DPP10: variants seen among roughly 807,000 people sequenced by gnomAD.
The protein encoded by DPP10 is dipeptidyl peptidase like 10.
In DPP10, 33 loss-of-function variants were observed where a neutral mutation model predicts 120.9. The ratio of observed to expected loss-of-function variants is 0.27; its 90% confidence interval spans 0.21 to 0.37. The LOEUF (loss-of-function observed/expected upper bound fraction) is 0.37. Among genes scored for constraint, DPP10 ranks in the 10% least tolerant of loss-of-function variants. The probability of loss-of-function intolerance (pLI) is 1.00; values close to 1 mark genes in which losing one functional copy is unlikely to be tolerated. For missense variants in DPP10, 816 were observed against 942.8 expected (o/e 0.87, Z 1.76); for synonymous variants, 337 against 326.1 (o/e 1.03, Z -0.36).
chr2:114,707,194 A>G (rs931960333), intron 1 of DPP10: 5 of 152,290 alleles, frequency 3.3e-5, no homozygotes, highest in Admixed American at 6.5e-5. Flanking sequence ...CCTTCACAAG[A>G]CGAACAATTA....
chr2:115,143,248 G>A (rs564587336), intron 1 of DPP10, among the ~76,000 whole-genome samples: 6 of 152,260 alleles, frequency 3.9e-5, no homozygotes, highest in South Asian at 4.1e-4. Flanking sequence ...AGGCAGAAGG[G>A]TACACCATTT....
At chr2:114,750,501 T>C (rs1679109193) in intron 1 of DPP10, among the ~76,000 whole-genome samples, 1 of 152,058 alleles carries the variant, frequency 6.6e-6, no homozygotes, top group Non-Finnish European at 1.5e-5. Flanking sequence ...GCCCAGCTAA[T>C]TTTTTGTACT....
Position 114,691,065 on chromosome 2 carries a change from C to T in DPP10, c.60+248227C>T, listed in dbSNP as rs182991022. Reference sequence around the variant, plus strand: ...CTATCTGAATACTGTTTATTCCTTTCTCTTGCCTAATTGCCCTGGCCAGAA... The same window carrying T: ...CTATCTGAATACTGTTTATTCCTTTTTCTTGCCTAATTGCCCTGGCCAGAA... On this transcript the variant is annotated intron_variant, in intron 1 of 25. Transcript: ENST00000410059. Among the ~76,000 whole-genome samples the T allele has an allele frequency of 7.2e-5, 11 of 152,170 alleles. No homozygotes were observed. The East Asian group carries it at 2.1e-3, about 29-fold the overall frequency.
chr2:114,552,164 G>T (rs1174342453), intron 1 of DPP10, among the ~76,000 whole-genome samples: 1 of 152,228 alleles, frequency 6.6e-6, no homozygotes, highest in African/African-American at 2.4e-5. Context: ...TAGCTCTGTG[G>T]TGTGTTAAGT....
At chr2:115,341,067 CTAATAAAATTAGCTCATCTGAT>C (rs2063418056) in intron 2 of DPP10, among the ~76,000 whole-genome samples, 1 of 151,904 alleles carries the variant, frequency 6.6e-6, no homozygotes, top group Non-Finnish European at 1.5e-5. Flanking sequence ...TTCTGAAACC[CTAATAAAATTAGCTCATCTGAT>C]TAAAATCCCA....
intron 1 of DPP10, among the ~76,000 whole-genome samples, chr2:115,072,049 G>A (rs993634469): frequency 1.3e-5 from 2 of 152,110 alleles, no homozygotes; most frequent in Non-Finnish European, 2.9e-5. Flanking sequence ...AGACAGGGAC[G>A]ATAGAGGAAA....
chr2:114,588,123 A>G lies in DPP10; in HGVS notation c.60+145285A>G, dbSNP rs192572912. Among the ~76,000 whole-genome samples, 683 of 152,356 alleles carry G rather than the reference A, an allele frequency of 4.5e-3. 3 individuals are homozygous for G. Among genetic ancestry groups the G allele is most frequent in the Non-Finnish European group, 7.9e-3 (537 of 68,032 alleles). ...ATGGATCTACTTTTGTCTCATTTACAGAACAAATAAAAAAGCCCTAGATTC... is the reference window on the plus strand; with the variant it reads ...ATGGATCTACTTTTGTCTCATTTACGGAACAAATAAAAAAGCCCTAGATTC... On this transcript the variant is annotated intron_variant, in intron 1 of 25. Coordinates refer to ENST00000410059, the MANE Select transcript of DPP10 (RefSeq NM_020868.6).
intron 1 of DPP10, among the ~76,000 whole-genome samples, chr2:114,615,087 CAG>C (rs1693578585): frequency 6.6e-6 from 1 of 152,094 alleles, no homozygotes; most frequent in South Asian, 2.1e-4. Context: ...ATGCATCTAT[CAG>C]GGGATGGTTA....
chr2:115,496,184 AC>A (rs2076386640), intron 3 of DPP10, among the ~76,000 whole-genome samples: 1 of 152,124 alleles, frequency 6.6e-6, no homozygotes, highest in Admixed American at 6.6e-5. Context: ...ATTATAAAGA[AC>A]AAAAAAAACC....
At chr2:114,472,414 T>C (rs186226126) in intron 1 of DPP10, among the ~76,000 whole-genome samples, 1 of 152,310 alleles carries the variant, frequency 6.6e-6, no homozygotes, top group East Asian at 1.9e-4. Context: ...AAATAAGTGC[T>C]TTAAGAGGGA....
intron 1 of DPP10, among the ~76,000 whole-genome samples, chr2:114,785,895 C>T (rs1354615459): frequency 1.3e-5 from 2 of 152,178 alleles, no homozygotes; most frequent in African/African-American, 4.8e-5. Context: ...AATCTGTATT[C>T]TGGCAGCAAT....
In DPP10 at chr2:114,870,833, G is replaced by A. The variant is rs963774129; in HGVS notation, c.60+427995G>A. ...CATAGATTTCCTCTTAACAGAGAAC[G>A]TCCATCGGGATCTTTTCATGAACAG... On this transcript the variant is annotated intron_variant, in intron 1 of 25. Transcript: ENST00000410059. Among the ~76,000 whole-genome samples the A allele has an allele frequency of 1.5e-5, 2 of 135,340 alleles. 1 individual carries two copies. Among genetic ancestry groups the A allele is most frequent in the South Asian group, 4.7e-4 (2 of 4,252 alleles). 88.8% of individuals were successfully genotyped at this position (135,340 alleles called of 152,430 possible). A position where few individuals can be genotyped will look rare whatever the true frequency, so the allele number is the denominator to read the frequency against.
intron 1 of DPP10, among the ~76,000 whole-genome samples, chr2:114,746,693 G>T (rs774081021): frequency 6.6e-6 from 1 of 152,106 alleles, no homozygotes; most frequent in Non-Finnish European, 1.5e-5. Context: ...CATTTGATGA[G>T]CAAACCCCAA....
At chr2:114,490,556 C>T (rs1047106148) in intron 1 of DPP10, among the ~76,000 whole-genome samples, 23 of 152,230 alleles carry the variant, frequency 1.5e-4, no homozygotes, top group Non-Finnish European at 2.4e-4. Context: ...CAGAGGCCAC[C>T]GGTGTAGACT....
chr2:114,561,820 T>A (rs1018502975), intron 1 of DPP10, among the ~76,000 whole-genome samples: 3 of 152,226 alleles, frequency 2.0e-5, no homozygotes, highest in Admixed American at 6.5e-5. Context: ...CTGTTATAAA[T>A]GGCCTCTGAC....
intron 1 of DPP10, among the ~76,000 whole-genome samples, chr2:114,798,503 T>A (rs142818969): frequency 5.3e-5 from 8 of 152,262 alleles, no homozygotes; most frequent in South Asian, 2.1e-4. Flanking sequence ...AATTTGTTTA[T>A]TCTTCTTTTT....
chr2:115,248,005 T>C (rs1296919634), intron 1 of DPP10, among the ~76,000 whole-genome samples: 1 of 152,140 alleles, frequency 6.6e-6, no homozygotes, highest in African/African-American at 2.4e-5. Context: ...AGTTTTCTTC[T>C]TTCCAGTTCA....
At chr2:114,995,627 T>C (rs1434053732) in intron 1 of DPP10, among the ~76,000 whole-genome samples, 5 of 152,216 alleles carry the variant, frequency 3.3e-5, no homozygotes, top group African/African-American at 4.8e-5. Flanking sequence ...TTTTTCTCAA[T>C]AGTCTTCATG....
At chr2:114,545,677 C>G (rs139080910) in intron 1 of DPP10, among the ~76,000 whole-genome samples, 1 of 152,076 alleles carries the variant, frequency 6.6e-6, no homozygotes, top group East Asian at 1.9e-4. Context: ...TAAGTTTTAC[C>G]CACTCTATAA....
Sources: gnomAD v4.1 joint callset for allele counts (sites outside exome capture counted in the v4.1 genomes callset) on GRCh38, gnomAD v4.1.1 for gene constraint, MANE v1.5 for transcripts, NCBI Gene and HGNC (gene_info 2026-07-23, HGNC 2026-07-21) for gene names.